The following PCCA variants were observed in gnomAD, a reference collection of about 807,000 sequenced individuals.
The protein encoded by PCCA is propionyl-CoA carboxylase alpha chain, mitochondrial.
In PCCA, 74 loss-of-function variants were observed where a neutral mutation model predicts 101.3. That is an observed-to-expected ratio of 0.73 (90% CI 0.61 to 0.89). PCCA has a LOEUF of 0.89. Ranked by LOEUF, PCCA falls within the 40% of genes least tolerant of loss-of-function variation. The pLI is 0.00. For missense variants in PCCA, 891 were observed against 907.0 expected (o/e 0.98, Z 0.23); for synonymous variants, 294 against 313.6 (o/e 0.94, Z 0.66).
chr13:100,359,096 C>A (rs932098497), intron 18 of PCCA, among the ~76,000 whole-genome samples: 785 of 103,398 alleles, frequency 7.6e-3, no homozygotes, highest in East Asian at 0.016. Flanking sequence ...CAAGACTCCT[C>A]AAAAAAAAAA....
At chr13:100,516,977 CATCT>C (rs2086877841) in intron 22 of PCCA, among the ~76,000 whole-genome samples, 1 of 142,484 alleles carries the variant, frequency 7.0e-6, no homozygotes, top group Non-Finnish European at 1.5e-5. Context: ...TTCTGGAAGG[CATCT>C]ATCTAGTCTG....
chr13:100,273,854 T>C (rs1426859356), intron 12 of PCCA, among the ~76,000 whole-genome samples: 1 of 152,190 alleles, frequency 6.6e-6, no homozygotes, highest in Non-Finnish European at 1.5e-5. Flanking sequence ...TTGGGGGACA[T>C]AACTTCCTTA....
chr13:100,153,291 A>G (rs1303846432), intron 4 of PCCA, among the ~76,000 whole-genome samples: 1 of 152,190 alleles, frequency 6.6e-6, no homozygotes, highest in Non-Finnish European at 1.5e-5. Context: ...AGCAGTTAAA[A>G]TGAGATTGTT....
intron 6 of PCCA, among the ~76,000 whole-genome samples, chr13:100,202,274 C>T (rs1429447391): frequency 6.6e-6 from 1 of 151,924 alleles, no homozygotes; most frequent in Non-Finnish European, 1.5e-5. Context: ...TTTGAGGCTG[C>T]AGTGAACTAT....
At chr13:100,217,108 T>TA (rs983388914) in intron 7 of PCCA, among the ~76,000 whole-genome samples, 3 of 147,330 alleles carry the variant, frequency 2.0e-5, no homozygotes, top group African/African-American at 7.5e-5. Flanking sequence ...GAACTCTGTC[T>TA]AAAAAAAACA....
intron 4 of PCCA, among the ~76,000 whole-genome samples, chr13:100,127,386 A>G (rs947453282): frequency 1.4e-4 from 21 of 152,308 alleles, no homozygotes; most frequent in African/African-American, 4.6e-4. Flanking sequence ...TTAAGAAAAA[A>G]GTGAAATATT....
intron 8 of PCCA, chr13:100,237,054 C>G (rs1055729511): frequency 6.6e-6 from 1 of 152,186 alleles, no homozygotes; most frequent in African/African-American, 2.4e-5. Context: ...TGTTTTCTCA[C>G]TAAGATTATT....
At chr13:100,226,526 C>G (rs769270845) in intron 7 of PCCA, among the ~76,000 whole-genome samples, 7 of 152,120 alleles carry the variant, frequency 4.6e-5, no homozygotes, top group Non-Finnish European at 1.0e-4. Flanking sequence ...AAGAATGATT[C>G]GAATGTGCCT....
intron 23 of PCCA, among the ~76,000 whole-genome samples, chr13:100,529,491 T>A (rs2088184274): frequency 6.6e-6 from 1 of 152,070 alleles, no homozygotes; most frequent in Non-Finnish European, 1.5e-5. Context: ...CAAAACTTGA[T>A]AAAGATTGAC....
intron 22 of PCCA, among the ~76,000 whole-genome samples, chr13:100,519,463 G>A (rs1024307367): frequency 3.3e-5 from 5 of 152,268 alleles, no homozygotes; most frequent in Admixed American, 6.5e-5. Flanking sequence ...TTAAAGGCGA[G>A]AAACAGCCTA....
intron 21 of PCCA, among the ~76,000 whole-genome samples, chr13:100,500,418 C>A (rs1397313790): frequency 6.6e-6 from 1 of 152,174 alleles, no homozygotes; most frequent in African/African-American, 2.4e-5. Context: ...GTAATAATAA[C>A]ATGTGCATTC....
rs140350246 is a variant in PCCA, at chr13:100,252,147, G to A, written c.638-5448G>A. Among the ~76,000 whole-genome samples, 282 of 152,212 alleles carry A rather than the reference G, an allele frequency of 1.9e-3. 1 individual carries two copies. The highest frequency in any genetic ancestry group is 6.5e-3 in the African/African-American group (271 of 41,542). On this transcript the variant is annotated intron_variant, in intron 8 of 23. Coordinates refer to ENST00000376285, the MANE Select transcript of PCCA (RefSeq NM_000282.4). ...TCTGTCCTAGTTCTTTCTCGGAGTG[G>A]GGTGTCTTTTCTCTTCTGAGGTCCT...
intron 21 of PCCA, among the ~76,000 whole-genome samples, chr13:100,513,117 GCAGCA>G (rs1391826433): frequency 6.6e-6 from 1 of 152,260 alleles, no homozygotes; most frequent in East Asian, 1.9e-4. Context: ...CGCGCCCCGT[GCAGCA>G]CAGCACAGGC....
At chr13:100,273,463 T>G (rs1386541906) in intron 12 of PCCA, 117 bp downstream of exon 12, 3 of 811,452 alleles carry the variant, frequency 3.7e-6, no homozygotes, top group African/African-American at 3.4e-5. Flanking sequence ...AAATAAAGAT[T>G]TAGTTTTTAT....
intron 16 of PCCA, among the ~76,000 whole-genome samples, chr13:100,330,146 C>G (rs1447801483): frequency 6.6e-6 from 1 of 152,138 alleles, no homozygotes; most frequent in Non-Finnish European, 1.5e-5. Context: ...AAATGCTCTC[C>G]AAGAGTTCGT....
intron 19 of PCCA, among the ~76,000 whole-genome samples, chr13:100,421,708 G>A (rs2078770074): frequency 6.6e-6 from 1 of 151,358 alleles, no homozygotes. Flanking sequence ...TTTTTGAGAT[G>A]GAGTCCCGCT....
intron 23 of PCCA, among the ~76,000 whole-genome samples, chr13:100,529,778 G>T (rs2153010430): frequency 6.6e-6 from 1 of 152,300 alleles, no homozygotes; most frequent in South Asian, 2.1e-4. Context: ...GCAGTGAAGA[G>T]CCTGCCTAGA....
intron 21 of PCCA, among the ~76,000 whole-genome samples, chr13:100,467,558 C>G (rs146644648): frequency 3.9e-5 from 6 of 152,238 alleles, no homozygotes; most frequent in African/African-American, 1.4e-4. Flanking sequence ...TTTTAGTAGA[C>G]ACGGGGTTTC....
At chr13:100,260,203 C>T (rs978502069) in intron 9 of PCCA, among the ~76,000 whole-genome samples, 1 of 152,100 alleles carries the variant, frequency 6.6e-6, no homozygotes, top group Admixed American at 6.6e-5. Context: ...TAAGATTCCC[C>T]TAAATCAACA....
Sources: gnomAD v4.1 joint callset for allele counts (sites outside exome capture counted in the v4.1 genomes callset) on GRCh38, gnomAD v4.1.1 for gene constraint, MANE v1.5 for transcripts, NCBI Gene and HGNC (gene_info 2026-07-23, HGNC 2026-07-21) for gene names.